Variants in PDE4D observed in about 807,000 individuals in gnomAD.
The protein encoded by PDE4D is 3',5'-cyclic-AMP phosphodiesterase 4D.
Under a neutral mutation model 87.4 loss-of-function variants are expected in PDE4D, and 24 were observed. The ratio of observed to expected loss-of-function variants is 0.27; its 90% CI spans 0.20 to 0.39. The LOEUF (loss-of-function observed/expected upper bound fraction) is 0.39, where lower values mean the gene tolerates loss of function less well. Ranked by LOEUF, PDE4D falls within the 10% of genes least tolerant of loss-of-function variation. The pLI is 1.00. For synonymous variants in PDE4D, 384 were observed against 383.2 expected (o/e 1.00, Z -0.02); for missense variants, 714 against 1,041.0 (o/e 0.69, Z 4.32).
intron 2 of PDE4D, among the ~76,000 whole-genome samples, chr5:60,061,042 T>A (rs2136202): frequency 0.5 from 75,257 of 151,772 alleles, 19,081 homozygotes; most frequent in East Asian, 0.82. Context: ...GCCCTCTCTC[T>A]CCACTCCTAT....
At chr5:59,175,781 A>ATTTTTTT (rs57572403) in intron 5 of PDE4D, among the ~76,000 whole-genome samples, 38 of 94,576 alleles carry the variant, frequency 4.0e-4, no homozygotes, top group African/African-American at 1.4e-3. Context: ...CCCGGCCTCC[A>ATTTTTTT]TTTTTTTTTT....
chr5:59,266,865 A>G (rs1043492539), intron 1 of PDE4D, among the ~76,000 whole-genome samples: 1 of 152,088 alleles, frequency 6.6e-6, no homozygotes, highest in East Asian at 1.9e-4. Flanking sequence ...AATAAGAACA[A>G]CAACAACAAA....
chr5:59,399,352 C>T (rs1397074003), intron 1 of PDE4D, among the ~76,000 whole-genome samples: 1 of 136,700 alleles, frequency 7.3e-6, no homozygotes, highest in Non-Finnish European at 1.7e-5. Flanking sequence ...CTACAGTAAC[C>T]AAAACAGCAT....
intron 1 of PDE4D, among the ~76,000 whole-genome samples, chr5:60,352,571 C>A (rs1759295358): frequency 6.6e-6 from 1 of 152,188 alleles, no homozygotes; most frequent in Non-Finnish European, 1.5e-5. Flanking sequence ...AATAAGCAGC[C>A]TTAGACATTA....
chr5:60,068,683 A>G (rs1582488207), intron 2 of PDE4D, among the ~76,000 whole-genome samples: 2 of 152,040 alleles, frequency 1.3e-5, no homozygotes, highest in South Asian at 2.1e-4. Context: ...AACCTCTGGC[A>G]CCTCCCAGGT....
At chr5:59,969,587 C>T (rs1245498247) in intron 3 of PDE4D, among the ~76,000 whole-genome samples, 1 of 152,068 alleles carries the variant, frequency 6.6e-6, no homozygotes, top group Non-Finnish European at 1.5e-5. Context: ...GTGTCCCCAC[C>T]CATATCTCAT....
intron 1 of PDE4D, among the ~76,000 whole-genome samples, chr5:59,218,611 C>T (rs1054011523): frequency 9.2e-5 from 14 of 151,806 alleles, no homozygotes; most frequent in African/African-American, 3.4e-4. Flanking sequence ...AAAATTTGTC[C>T]ACTAGATGGA....
At chr5:59,527,176 T>G (rs1813308211) in intron 1 of PDE4D, among the ~76,000 whole-genome samples, 1 of 152,214 alleles carries the variant, frequency 6.6e-6, no homozygotes, top group Non-Finnish European at 1.5e-5. Context: ...TGTGTGTGCA[T>G]GCAAGTGTGT....
At chr5:59,433,978 C>T (rs889036500) in intron 1 of PDE4D, among the ~76,000 whole-genome samples, 7 of 151,836 alleles carry the variant, frequency 4.6e-5, no homozygotes, top group South Asian at 2.1e-4. Flanking sequence ...CCCTGGCCTA[C>T]GTTTAGCAAT....
chr5:60,039,754 G>A (rs960924600), intron 2 of PDE4D, among the ~76,000 whole-genome samples: 5 of 152,096 alleles, frequency 3.3e-5, no homozygotes, highest in African/African-American at 1.2e-4. Context: ...ATGTTTCCTA[G>A]CTTTTCAAAG....
At chr5:59,276,213 CA>C (rs1398303909) in intron 1 of PDE4D, 1 of 830,638 alleles carries the variant, frequency 1.2e-6, no homozygotes, top group African/African-American at 1.9e-5. Flanking sequence ...GGATCAGCTC[CA>C]GAGACCAGCA....
intron 2 of PDE4D, among the ~76,000 whole-genome samples, chr5:60,160,192 A>G (rs140180079): frequency 6.6e-6 from 1 of 152,282 alleles, no homozygotes; most frequent in East Asian, 1.9e-4. Context: ...ACTTTATTGT[A>G]AGAATACGGT....
chr5:59,579,613 GC>G (rs1401296711), intron 1 of PDE4D, among the ~76,000 whole-genome samples: 3 of 152,292 alleles, frequency 2.0e-5, no homozygotes, highest in Non-Finnish European at 2.9e-5. Flanking sequence ...TAAAGCTGGA[GC>G]CCGTATCAAA....
At chr5:59,764,971 T>C (rs1762609176) in intron 1 of PDE4D, among the ~76,000 whole-genome samples, 1 of 152,176 alleles carries the variant, frequency 6.6e-6, no homozygotes, top group Non-Finnish European at 1.5e-5. Flanking sequence ...AGAAGTCTTT[T>C]TTAAGAGCAT....
chr5:60,056,342 T>G (rs1262690928), intron 2 of PDE4D, among the ~76,000 whole-genome samples: 3 of 152,012 alleles, frequency 2.0e-5, no homozygotes, highest in Non-Finnish European at 4.4e-5. Context: ...AAGTTTTCAC[T>G]GAGACTCTGC....
intron 1 of PDE4D, among the ~76,000 whole-genome samples, chr5:59,689,790 T>C (rs559520176): frequency 1.3e-5 from 2 of 152,308 alleles, no homozygotes; most frequent in Non-Finnish European, 2.9e-5. Context: ...TCTCCCTGTT[T>C]GCAGATGACA....
intron 2 of PDE4D, among the ~76,000 whole-genome samples, chr5:60,159,171 G>A (rs754873935): frequency 1.3e-5 from 2 of 152,110 alleles, no homozygotes; most frequent in Non-Finnish European, 2.9e-5. Context: ...CAACATCACT[G>A]TCTTCTACCT....
At chr5:59,348,347 C>G (rs2153585337) in intron 1 of PDE4D, among the ~76,000 whole-genome samples, 1 of 152,126 alleles carries the variant, frequency 6.6e-6, no homozygotes, top group East Asian at 1.9e-4. Context: ...GTATCTCTTG[C>G]CAACTCCACA....
intron 5 of PDE4D, among the ~76,000 whole-genome samples, chr5:59,143,178 C>T (rs1778161368): frequency 1.3e-5 from 2 of 150,424 alleles, no homozygotes; most frequent in Non-Finnish European, 3.0e-5. Flanking sequence ...CCTTCCCTCC[C>T]TCCCTTCCTC....
Sources: allele counts gnomAD v4.1 joint callset (sites outside exome capture counted in the v4.1 genomes callset), GRCh38; gene constraint gnomAD v4.1.1; transcripts MANE v1.5; gene names NCBI Gene and HGNC (gene_info 2026-07-23, HGNC 2026-07-21).